Variants in GFOD1 observed in about 807,000 individuals in gnomAD.
GFOD1 encodes the protein Gfo/Idh/MocA-like oxidoreductase domain containing 1, also known as glucose-fructose oxidoreductase domain-containing protein 1.
Under a neutral mutation model 25.4 loss-of-function variants are expected in GFOD1, and 9 were observed. That is an observed-to-expected ratio of 0.35 (90% confidence interval 0.21 to 0.62). The LOEUF (loss-of-function observed/expected upper bound fraction) is 0.62, where lower values mean the gene tolerates loss of function less well. Among genes scored for constraint, GFOD1 ranks in the 20% least tolerant of loss-of-function variants. GFOD1 has a pLI of 0.72. For synonymous variants in GFOD1, 253 were observed against 245.6 expected (o/e 1.03, Z -0.28); for missense variants, 403 against 556.9 (o/e 0.72, Z 2.78).
chr6:13,415,512 C>T (rs1175356888), intron 1 of GFOD1, among the ~76,000 whole-genome samples: 1 of 152,184 alleles, frequency 6.6e-6, no homozygotes, highest in Non-Finnish European at 1.5e-5. Context: ...ACGGTCCAGA[C>T]CTGGGGGTGG....
At chr6:13,388,067 G>C (rs1249854174) in intron 1 of GFOD1, among the ~76,000 whole-genome samples, 2 of 152,204 alleles carry the variant, frequency 1.3e-5, no homozygotes, top group Non-Finnish European at 2.9e-5. Context: ...GGATGTGAAG[G>C]ACCTCTTCAA....
rs377736487 is a variant in GFOD1, at chr6:13,395,776, C to T, written c.254-30114G>A. Among the ~76,000 whole-genome samples, 58 of 152,320 alleles carry T rather than the reference C, an allele frequency of 3.8e-4. 1 individual carries two copies. The East Asian group carries it at 5.4e-3, about 14-fold the overall frequency. ...ACTGAAGAAACTTCCTTGGCATCAA[C>T]GCTACGGCCACTCCACCGTGCACCA... On this transcript the variant is annotated intron_variant, in intron 1 of 1. Transcript: ENST00000379287.
chr6:13,405,636 T>C (rs492192), intron 1 of GFOD1, among the ~76,000 whole-genome samples: 149,868 of 152,286 alleles, frequency 0.98, 73,794 homozygotes, highest in Middle Eastern at 1. Context: ...TTAGAAAATA[T>C]GTAAGTGGCA....
intron 1 of GFOD1, among the ~76,000 whole-genome samples, chr6:13,437,698 G>A (rs1757855137): frequency 6.6e-6 from 1 of 152,168 alleles, no homozygotes; most frequent in South Asian, 2.1e-4. Flanking sequence ...AGATGGATGT[G>A]TATAGATATA....
rs573972387 is a variant in GFOD1, at chr6:13,449,249, C to G, written c.253+37389G>C. Among the ~76,000 whole-genome samples the G allele has an allele frequency of 5.9e-5, 9 of 152,266 alleles. 2 individuals are homozygous for G. In the East Asian group the frequency reaches 1.7e-3, roughly 29 times the overall value. On this transcript the variant is annotated intron_variant, in intron 1 of 1. Coordinates refer to ENST00000379287, the MANE Select transcript of GFOD1 (RefSeq NM_018988.4). ...GGGGCTGCAGTGAGCTATGACTGTG[C>G]CAGTGTAGTCCAGCTTAGGTGACAG...
At chr6:13,483,487 C>T (rs911718868) in intron 1 of GFOD1, among the ~76,000 whole-genome samples, 2 of 152,084 alleles carry the variant, frequency 1.3e-5, no homozygotes, top group African/African-American at 4.8e-5. Flanking sequence ...AAAGGGGAAA[C>T]GATGACATGA....
intron 1 of GFOD1, among the ~76,000 whole-genome samples, chr6:13,404,539 A>G (rs552848171): frequency 7.9e-5 from 12 of 152,318 alleles, no homozygotes; most frequent in African/African-American, 2.4e-4. Context: ...TTCAGCCTCA[A>G]TAAAAATGAA....
At chr6:13,385,857 A>G (rs1453534138) in intron 1 of GFOD1, among the ~76,000 whole-genome samples, 1 of 152,228 alleles carries the variant, frequency 6.6e-6, no homozygotes, top group Non-Finnish European at 1.5e-5. Context: ...CTAAGGATAA[A>G]GCCAGTGAAT....
At chr6:13,454,644 C>T (rs1014702452) in intron 1 of GFOD1, among the ~76,000 whole-genome samples, 2 of 152,216 alleles carry the variant, frequency 1.3e-5, no homozygotes, top group Non-Finnish European at 2.9e-5. Flanking sequence ...CCACCACTCC[C>T]GTCCAGGAGC....
chr6:13,458,430 A>G (rs2560756), intron 1 of GFOD1, among the ~76,000 whole-genome samples: 125,021 of 152,052 alleles, frequency 0.82, 56,684 homozygotes, highest in Non-Finnish European at 1. Context: ...ATTATACAAT[A>G]TTTTATATAC....
At chr6:13,393,262 A>G (rs538727296) in intron 1 of GFOD1, among the ~76,000 whole-genome samples, 57 of 147,236 alleles carry the variant, frequency 3.9e-4, no homozygotes, top group Non-Finnish European at 7.8e-4. Context: ...AGGCTGAGGG[A>G]GGAGAATCAC....
intron 1 of GFOD1, among the ~76,000 whole-genome samples, chr6:13,389,839 C>G (rs1785548296): frequency 6.6e-6 from 1 of 152,158 alleles, no homozygotes; most frequent in Admixed American, 6.5e-5. Flanking sequence ...ATACACACCC[C>G]TTCTGTTTAG....
chr6:13,439,887 T>C (rs1757888244), intron 1 of GFOD1, among the ~76,000 whole-genome samples: 1 of 152,192 alleles, frequency 6.6e-6, no homozygotes, highest in Non-Finnish European at 1.5e-5. Flanking sequence ...GGATACAGCC[T>C]GGGCATCCAG....
intron 1 of GFOD1, among the ~76,000 whole-genome samples, chr6:13,482,307 T>C (rs761810421): frequency 6.7e-6 from 1 of 148,758 alleles, no homozygotes; most frequent in South Asian, 2.1e-4. Flanking sequence ...ATAAAATTTA[T>C]GTAATAAATT....
intron 1 of GFOD1, among the ~76,000 whole-genome samples, chr6:13,416,814 T>A (rs1410470130): frequency 6.6e-6 from 1 of 152,180 alleles, no homozygotes. Context: ...GTGCATGCAT[T>A]ATTCAGGCAG....
chr6:13,434,872 G>A (rs1188361731), intron 1 of GFOD1, among the ~76,000 whole-genome samples: 2 of 152,226 alleles, frequency 1.3e-5, no homozygotes, highest in Non-Finnish European at 2.9e-5. Flanking sequence ...CAGAGGCCTA[G>A]AGAATTTGCT....
At chr6:13,417,471 T>G (rs1403279686) in intron 1 of GFOD1, among the ~76,000 whole-genome samples, 2 of 152,196 alleles carry the variant, frequency 1.3e-5, no homozygotes, top group African/African-American at 4.8e-5. Flanking sequence ...TGGCTGAGTC[T>G]AGAAATATTT....
At chr6:13,447,740 CAAA>C (rs34431944) in intron 1 of GFOD1, among the ~76,000 whole-genome samples, 434 of 31,814 alleles carry the variant, frequency 0.014, 3 homozygotes, top group African/African-American at 0.046. Flanking sequence ...GACTCCTTCT[CAAA>C]AAAAAAAAAA....
chr6:13,399,781 G>A (rs771062208), intron 1 of GFOD1, among the ~76,000 whole-genome samples: 136 of 152,288 alleles, frequency 8.9e-4, no homozygotes, highest in Non-Finnish European at 2.1e-4. Flanking sequence ...GCAACTATCC[G>A]GAATGATTGG....
Sources: allele counts gnomAD v4.1 joint callset (sites outside exome capture counted in the v4.1 genomes callset), GRCh38; gene constraint gnomAD v4.1.1; transcripts MANE v1.5; gene names NCBI Gene and HGNC (gene_info 2026-07-23, HGNC 2026-07-21).